The following ZNF273 variants were observed in gnomAD, a reference collection of about 807,000 sequenced individuals.
ZNF273 encodes the protein zinc finger protein 273, also known as zinc finger protein 9.
A neutral mutation model predicts 14.9 loss-of-function variants in ZNF273; 11 were observed. The ratio of observed to expected loss-of-function variants is 0.74; its 90% CI spans 0.46 to 1.22. ZNF273 has a LOEUF of 1.22. ZNF273 is among the 50% of genes most tolerant of loss of function. ZNF273 has a pLI of 0.00. For synonymous variants in ZNF273, 199 were observed against 223.9 expected, an observed-to-expected ratio of 0.89 and a Z score of 0.99; for missense variants, 577 against 660.6, an observed-to-expected ratio of 0.87 and a Z score of 1.39.
upstream of ZNF273, among the ~76,000 whole-genome samples, chr7:64,901,559 A>C (rs1484892944): frequency 6.6e-6 from 1 of 152,170 alleles, no homozygotes; most frequent in Non-Finnish European, 1.5e-5. Context: ...TGATGTAGTC[A>C]GGTCGTGATC....
At chr7:64,932,682 G>T (rs1344288911), downstream of ZNF273, among the ~76,000 whole-genome samples, 1 of 152,040 alleles carries the variant, frequency 6.6e-6, no homozygotes, top group Non-Finnish European at 1.5e-5. Context: ...AGCACTTTGG[G>T]AGCCTGAGCT....
At chr7:64,882,535 T>G (rs1272329930), downstream of ZNF273, 1 of 152,244 alleles carries the variant, frequency 6.6e-6, no homozygotes, top group Non-Finnish European at 1.5e-5. Context: ...CGGCGAGCAC[T>G]GGCTTGCTTC....
At chr7:64,893,123 A>G (rs67886398), downstream of ZNF273, among the ~76,000 whole-genome samples, 1 of 138,488 alleles carries the variant, frequency 7.2e-6, no homozygotes, top group Non-Finnish European at 1.6e-5. Context: ...AAAAAAAAAA[A>G]TTTGTCTTCC....
At chr7:64,925,468 C>T (rs891926911) in intron 3 of ZNF273, among the ~76,000 whole-genome samples, 6 of 152,064 alleles carry the variant, frequency 3.9e-5, no homozygotes, top group Non-Finnish European at 7.4e-5. Flanking sequence ...GACAGAGTCT[C>T]GCTCTGTTGC....
intron 1 of ZNF273, among the ~76,000 whole-genome samples, chr7:64,906,025 C>T (rs1363343882): frequency 2.6e-5 from 4 of 151,964 alleles, no homozygotes; most frequent in Non-Finnish European, 5.9e-5. Context: ...AGAATTTTCT[C>T]GGGTGTGTCT....
chr7:64,921,059 ATTTTTCTTTTT>A (rs1428982159), intron 3 of ZNF273, among the ~76,000 whole-genome samples: 4 of 147,760 alleles, frequency 2.7e-5, no homozygotes, highest in African/African-American at 5.0e-5. Flanking sequence ...TTTTATATTT[ATTTTTCTTTTT>A]TTTTTCTTTG....
intron 3 of ZNF273, chr7:64,923,276 C>A: frequency 4.5e-6 from 2 of 446,798 alleles, no homozygotes; most frequent in South Asian, 3.2e-5. Context: ...GAATATCTTC[C>A]GCTTTTTGAA....
intron 1 of ZNF273, among the ~76,000 whole-genome samples, chr7:64,909,639 G>T (rs1793352823): frequency 6.6e-6 from 1 of 152,078 alleles, no homozygotes; most frequent in African/African-American, 2.4e-5. Context: ...ATTTGCATGT[G>T]TCTTTATAAT....
chr7:64,889,106 C>T (rs1434705006), downstream of ZNF273: 7 of 985,932 alleles, frequency 7.1e-6, no homozygotes, highest in Admixed American at 1.2e-4. The surrounding 1 kb of genome is among the most constrained non-coding windows in gnomAD (Gnocchi z 4.2). Flanking sequence ...GTCCGGGCTC[C>T]GGGAGCCAAG....
upstream of ZNF273, among the ~76,000 whole-genome samples, chr7:64,899,494 A>C (rs1378829294): frequency 3.9e-5 from 6 of 152,026 alleles, no homozygotes; most frequent in Non-Finnish European, 8.8e-5. Flanking sequence ...ATTTCTACTA[A>C]AAACACAAGA....
rs1434041073 is a variant in ZNF273, at chr7:64,918,273, G to A, written c.306G>A (p.Ala102=). The A allele has an allele frequency of 1.0e-5, 16 of 1,564,384 alleles. No individual in the cohort carries two copies. The highest frequency in any genetic ancestry group is 1.7e-4 in the Middle Eastern group (1 of 5,838). ...AGCCCTGCAATATGAAGAGACATGC[G>A]ATGGTAGCCAAACCCCCAGGTAGGT... The part of the protein sequence containing the change: ...GKEPCNMKRH[A]MVAKPPVVCS... The change falls in exon 3 of 4, where the codon GCG becomes GCA. Residue 102 remains alanine, a synonymous_variant. Coordinates refer to ENST00000476120, the MANE Select transcript of ZNF273 (RefSeq NM_021148.3).
Position 64,928,630 on chromosome 7 carries a change from A to G in ZNF273, c.1302A>G (p.Glu434=), listed in dbSNP as rs755354888. ...AAGAGAAACCATACAAATGTGAAGA[A>G]TGTGGAAAAGCCTTTAGTGTATTCT... ...YTKEKPYKCE[E]CGKAFSVFST... Residue 434 remains glutamate, a synonymous_variant, in exon 4 of 4, where the codon GAA becomes GAG. Transcript: ENST00000476120. 9.9e-6 allele frequency: 16 copies of G among 1,613,326 alleles called. No individual in the cohort carries two copies. In the African/African-American group the frequency reaches 2.1e-4, roughly 22 times the overall value.
chr7:64,905,628 T>G (rs62455119), intron 1 of ZNF273, among the ~76,000 whole-genome samples: 2 of 152,122 alleles, frequency 1.3e-5, no homozygotes, highest in Non-Finnish European at 2.9e-5. Context: ...AAAAAAAACT[T>G]ACTCCAGTGA....
intron 1 of ZNF273, among the ~76,000 whole-genome samples, chr7:64,905,666 T>C (rs997978303): frequency 6.6e-6 from 1 of 152,144 alleles, no homozygotes; most frequent in Non-Finnish European, 1.5e-5. Context: ...CAAACTAAAA[T>C]GCATCTGGAG....
chr7:64,920,542 T>C (rs1794356346), intron 3 of ZNF273, among the ~76,000 whole-genome samples: 1 of 152,174 alleles, frequency 6.6e-6, no homozygotes, highest in Non-Finnish European at 1.5e-5. Context: ...GCAGGACCTC[T>C]CCCAGACTGT....
chr7:64,883,470 G>C (rs1390848488), downstream of ZNF273, among the ~76,000 whole-genome samples: 1 of 152,192 alleles, frequency 6.6e-6, no homozygotes, highest in East Asian at 1.9e-4. Context: ...AAGTAGGTCA[G>C]ATAGGGGTAA....
intron 1 of ZNF273, among the ~76,000 whole-genome samples, chr7:64,910,463 A>T (rs752393808): frequency 6.6e-6 from 1 of 152,170 alleles, no homozygotes; most frequent in Non-Finnish European, 1.5e-5. Context: ...GCTTTGTAGA[A>T]GATCAGATGG....
intron 1 of ZNF273, among the ~76,000 whole-genome samples, chr7:64,912,340 C>A (rs1489902077): frequency 2.6e-5 from 4 of 152,190 alleles, no homozygotes; most frequent in Non-Finnish European, 5.9e-5. Context: ...GTCCTAATAT[C>A]TTTGTTAATT....
downstream of ZNF273, chr7:64,933,581 C>T (rs1196376814): frequency 6.6e-6 from 1 of 152,154 alleles, no homozygotes; most frequent in African/African-American, 2.4e-5. Context: ...TGGCTTTTCC[C>T]ACAGACTGTA....
Sources: gnomAD v4.1 joint callset for allele counts (sites outside exome capture counted in the v4.1 genomes callset) on GRCh38, gnomAD v4.1.1 for gene constraint, Gnocchi (gnomAD v3.1) non-coding constraint, MANE v1.5 for transcripts, NCBI Gene and HGNC (gene_info 2026-07-23, HGNC 2026-07-21) for gene names.